Variants in GABBR2 observed in about 807,000 individuals in gnomAD.
GABBR2 encodes the protein gamma-aminobutyric acid type B receptor subunit 2, also known as G-protein coupled receptor 51.
In GABBR2, 23 loss-of-function variants were observed where a neutral mutation model predicts 105.6. The observed-to-expected ratio is 0.22, with a 90% CI of 0.16 to 0.31. The LOEUF (loss-of-function observed/expected upper bound fraction) is 0.31. Among genes scored for constraint, GABBR2 ranks in the 10% least tolerant of loss-of-function variants. GABBR2 has a pLI of 1.00. For missense variants in GABBR2, 734 were observed against 1,245.5 expected, an observed-to-expected ratio of 0.59 and a Z score of 6.18; for synonymous variants, 478 against 499.7, an observed-to-expected ratio of 0.96 and a Z score of 0.58.
intron 4 of GABBR2, among the ~76,000 whole-genome samples, chr9:98,484,352 G>T (rs1292646167): frequency 1.3e-5 from 2 of 152,192 alleles, no homozygotes; most frequent in African/African-American, 4.8e-5. Context: ...GGGCTCCACA[G>T]AACCAAAATG....
chr9:98,671,886 C>T (rs1830412242), intron 1 of GABBR2, among the ~76,000 whole-genome samples: 1 of 152,070 alleles, frequency 6.6e-6, no homozygotes, highest in Non-Finnish European at 1.5e-5. Flanking sequence ...GGACTATGAT[C>T]AAAGAGATGG....
chr9:98,408,000 C>T (rs867394389), intron 7 of GABBR2, among the ~76,000 whole-genome samples: 3 of 152,328 alleles, frequency 2.0e-5, no homozygotes, highest in Middle Eastern at 3.4e-3. Context: ...GTTCAGTCCT[C>T]TCTCAGGCAA....
At chr9:98,541,768 T>TAA in intron 3 of GABBR2, 105 bp downstream of exon 3, 1 of 1,015,874 alleles carries the variant, frequency 9.8e-7, no homozygotes, top group Non-Finnish European at 1.5e-6. Context: ...AACACATGCT[T>TAA]AAAAGCCCTG....
intron 4 of GABBR2, among the ~76,000 whole-genome samples, chr9:98,492,901 C>T (rs965093529): frequency 2.6e-5 from 4 of 152,128 alleles, no homozygotes; most frequent in East Asian, 1.9e-4. Flanking sequence ...GTTTCTCGAC[C>T]GTCAAGTTAT....
At chr9:98,329,980 T>A (rs553576068) in intron 13 of GABBR2, among the ~76,000 whole-genome samples, 1 of 152,116 alleles carries the variant, frequency 6.6e-6, no homozygotes, top group African/African-American at 2.4e-5. Flanking sequence ...AATATTATCA[T>A]ATCTATTAAA....
chr9:98,681,015 A>T (rs998559648), intron 1 of GABBR2, among the ~76,000 whole-genome samples: 13 of 152,116 alleles, frequency 8.5e-5, no homozygotes, highest in South Asian at 4.2e-4. Context: ...TAGTTCAACC[A>T]TTGTGGAAGT....
At chr9:98,669,590 C>T (rs1030155020) in intron 1 of GABBR2, among the ~76,000 whole-genome samples, 8 of 152,112 alleles carry the variant, frequency 5.3e-5, no homozygotes, top group South Asian at 2.1e-4. Context: ...TTTTAGAGCA[C>T]AATGTTTTAA....
chr9:98,654,788 C>A (rs1057226111), intron 1 of GABBR2, among the ~76,000 whole-genome samples: 2 of 152,176 alleles, frequency 1.3e-5, no homozygotes, highest in African/African-American at 2.4e-5. Flanking sequence ...TACACAAAAA[C>A]CCACATACGG....
intron 7 of GABBR2, among the ~76,000 whole-genome samples, chr9:98,432,824 G>T (rs1459677720): frequency 6.6e-6 from 1 of 152,142 alleles, no homozygotes; most frequent in Non-Finnish European, 1.5e-5. Flanking sequence ...GAGGCCCACT[G>T]ACTGTCCAAC....
At chr9:98,474,546 C>T (rs1385301193) in intron 5 of GABBR2, among the ~76,000 whole-genome samples, 2 of 152,138 alleles carry the variant, frequency 1.3e-5, no homozygotes, top group Non-Finnish European at 2.9e-5. Context: ...TGATGGACTG[C>T]CCGCATTCTA....
At chr9:98,603,156 C>A (rs1338728410) in intron 1 of GABBR2, among the ~76,000 whole-genome samples, 1 of 152,222 alleles carries the variant, frequency 6.6e-6, no homozygotes, top group Admixed American at 6.5e-5. Context: ...AATACCCCCA[C>A]TCTCTCTGCC....
intron 13 of GABBR2, among the ~76,000 whole-genome samples, chr9:98,353,047 A>AATGCAGT (rs1831427225): frequency 1.3e-5 from 2 of 152,016 alleles, no homozygotes; most frequent in Admixed American, 1.3e-4. Flanking sequence ...TCCTCTGGAA[A>AATGCAGT]ATGCAGTTGT....
At chr9:98,490,375 G>T (rs565552341) in intron 4 of GABBR2, among the ~76,000 whole-genome samples, 3 of 152,320 alleles carry the variant, frequency 2.0e-5, no homozygotes, top group African/African-American at 7.2e-5. Flanking sequence ...TGATGGTGGG[G>T]GCAGGGGGCT....
intron 1 of GABBR2, among the ~76,000 whole-genome samples, chr9:98,701,966 A>C (rs905673885): frequency 1.3e-5 from 2 of 152,108 alleles, no homozygotes; most frequent in African/African-American, 2.4e-5. Context: ...TTTCCTGAGC[A>C]CTCGCAGTGT....
chr9:98,656,611 A>G (rs1328656740), intron 1 of GABBR2, among the ~76,000 whole-genome samples: 1 of 152,242 alleles, frequency 6.6e-6, no homozygotes, highest in Non-Finnish European at 1.5e-5. Context: ...AAAAATAATT[A>G]CCCCGTATGT....
chr9:98,538,653 C>T (rs1201414994), intron 3 of GABBR2: 2 of 960,782 alleles, frequency 2.1e-6, no homozygotes, highest in African/African-American at 3.5e-5. Context: ...GTAATAAGCT[C>T]CGTGGGAGTA....
intron 1 of GABBR2, among the ~76,000 whole-genome samples, chr9:98,632,124 T>C (rs1282703060): frequency 3.9e-5 from 6 of 152,196 alleles, no homozygotes; most frequent in African/African-American, 1.2e-4. Flanking sequence ...CTGTGTTCTC[T>C]GAAGCAAGAC....
intron 1 of GABBR2, among the ~76,000 whole-genome samples, chr9:98,700,247 G>T (rs559433411): frequency 4.6e-5 from 7 of 152,306 alleles, no homozygotes; most frequent in African/African-American, 1.4e-4. Flanking sequence ...GAAGAAACAG[G>T]CAGTGTCTGT....
chr9:98,290,847 A>G (rs555411304), intron 18 of GABBR2, 98 bp from the exon 19 acceptor site: 169 of 716,462 alleles, frequency 2.4e-4, no homozygotes, highest in Non-Finnish European at 3.2e-4. Flanking sequence ...TGATGACAGG[A>G]GCATATTTTT....
Sources: allele counts gnomAD v4.1 joint callset (sites outside exome capture counted in the v4.1 genomes callset), GRCh38; gene constraint gnomAD v4.1.1; transcripts MANE v1.5; gene names NCBI Gene and HGNC (gene_info 2026-07-23, HGNC 2026-07-21).